Variants in IMMP2L observed in about 807,000 individuals in gnomAD.
IMMP2L encodes the protein mitochondrial inner membrane protease subunit 2.
A neutral mutation model predicts 19.3 loss-of-function variants in IMMP2L; 18 were observed. The observed-to-expected ratio is 0.93, with a 90% confidence interval of 0.64 to 1.38. The LOEUF is 1.38. Among genes scored for constraint, IMMP2L ranks in the 40% most tolerant of loss-of-function variants. The probability of loss-of-function intolerance (pLI) is 0.00; values close to 1 mark genes in which losing one functional copy is unlikely to be tolerated. For synonymous variants in IMMP2L, 76 were observed against 73.0 expected (o/e 1.04, Z -0.21); for missense variants, 233 against 218.2 (o/e 1.07, Z -0.43).
At chr7:110,778,988 G>C (rs1042139674) in intron 5 of IMMP2L, among the ~76,000 whole-genome samples, 36 of 151,966 alleles carry the variant, frequency 2.4e-4, no homozygotes, top group Non-Finnish European at 1.5e-4. Flanking sequence ...ACCATGTAGA[G>C]TAGTAAAATG....
At chr7:111,119,922 G>A (rs533036278) in intron 3 of IMMP2L, among the ~76,000 whole-genome samples, 41 of 152,238 alleles carry the variant, frequency 2.7e-4, no homozygotes, top group African/African-American at 9.4e-4. Flanking sequence ...TTATATGAAA[G>A]TCTTGTATGA....
intron 3 of IMMP2L, among the ~76,000 whole-genome samples, chr7:111,452,232 A>T (rs1259225355): frequency 6.6e-6 from 1 of 152,200 alleles, no homozygotes. Context: ...TAGTAAAGCA[A>T]TTTATGATAC....
intron 3 of IMMP2L, among the ~76,000 whole-genome samples, chr7:111,066,796 A>G (rs764221039): frequency 9.2e-5 from 14 of 152,208 alleles, no homozygotes; most frequent in South Asian, 2.1e-4. Context: ...GAGTCTACCA[A>G]TATGAATTAC....
chr7:111,121,526 T>C (rs1260014362), intron 3 of IMMP2L, among the ~76,000 whole-genome samples: 1 of 152,066 alleles, frequency 6.6e-6, no homozygotes, highest in Non-Finnish European at 1.5e-5. Context: ...AAAACCACAA[T>C]GAGATACCAT....
intron 3 of IMMP2L, among the ~76,000 whole-genome samples, chr7:111,137,174 TGTG>T (rs1169948679): frequency 6.6e-6 from 1 of 152,264 alleles, no homozygotes; most frequent in Non-Finnish European, 1.5e-5. Flanking sequence ...TTGGTGGAAA[TGTG>T]GTAAATTTCC....
intron 5 of IMMP2L, among the ~76,000 whole-genome samples, chr7:110,775,505 A>T (rs1041352221): frequency 2.0e-5 from 3 of 152,050 alleles, no homozygotes; most frequent in African/African-American, 7.2e-5. Flanking sequence ...CCATGACTAG[A>T]GAGCAGCCCA....
intron 1 of IMMP2L, among the ~76,000 whole-genome samples, chr7:111,558,822 C>A (rs531833977): frequency 6.6e-6 from 1 of 152,244 alleles, no homozygotes; most frequent in East Asian, 1.9e-4. Flanking sequence ...AATCTAAATG[C>A]TATTTATTCC....
chr7:110,671,769 G>T (rs1791937887), intron 5 of IMMP2L, among the ~76,000 whole-genome samples: 1 of 152,102 alleles, frequency 6.6e-6, no homozygotes, highest in Non-Finnish European at 1.5e-5. Context: ...GGAAAGGCTT[G>T]CAAGGACAAG....
intron 5 of IMMP2L, among the ~76,000 whole-genome samples, chr7:110,685,984 G>T (rs1003642382): frequency 6.6e-6 from 1 of 152,052 alleles, no homozygotes; most frequent in East Asian, 1.9e-4. Context: ...GCAGTTAAAA[G>T]GTCCATTGGA....
At chr7:111,420,723 C>T (rs1378359835) in intron 3 of IMMP2L, among the ~76,000 whole-genome samples, 2 of 151,564 alleles carry the variant, frequency 1.3e-5, no homozygotes, top group East Asian at 3.9e-4. Flanking sequence ...ACATCCCTGC[C>T]AATAACATGA....
At chr7:111,273,377 C>G (rs898247019) in intron 3 of IMMP2L, among the ~76,000 whole-genome samples, 3 of 152,032 alleles carry the variant, frequency 2.0e-5, no homozygotes, top group African/African-American at 4.8e-5. Flanking sequence ...ACGAGAAAGA[C>G]AGGGATCAGA....
intron 4 of IMMP2L, among the ~76,000 whole-genome samples, chr7:110,897,642 T>G (rs879382025): frequency 2.6e-4 from 40 of 152,304 alleles, no homozygotes; most frequent in Non-Finnish European, 5.3e-4. Context: ...AATAATGTTT[T>G]TCATAACACT....
In IMMP2L at chr7:111,416,821, T is replaced by C. The variant is rs1397071583; in HGVS notation, c.239+70417A>G. Among the ~76,000 whole-genome samples the C allele has an allele frequency of 3.3e-5, 5 of 151,686 alleles. No individual in the cohort carries two copies. In the South Asian group the frequency reaches 6.2e-4, roughly 19 times the overall value. ...TATGTAGTATAAAATTAGACCACAA[T>C]TGAGAGTTTAATCCCTAAACAACAT... On this transcript the variant is annotated intron_variant, in intron 3 of 5. Coordinates refer to ENST00000405709, the MANE Select transcript of IMMP2L (RefSeq NM_032549.4).
intron 3 of IMMP2L, among the ~76,000 whole-genome samples, chr7:111,137,035 C>T (rs1429256514): frequency 6.6e-6 from 1 of 152,080 alleles, no homozygotes; most frequent in Admixed American, 6.5e-5. Flanking sequence ...CATAACAGCA[C>T]AGAATTAAGA....
chr7:111,141,764 C>T (rs1366518653), intron 3 of IMMP2L, among the ~76,000 whole-genome samples: 1 of 152,134 alleles, frequency 6.6e-6, no homozygotes, highest in Admixed American at 6.6e-5. Context: ...AATGGTCTCA[C>T]TATGTAGTCC....
At chr7:111,514,908 C>G (rs745340253) in intron 2 of IMMP2L, among the ~76,000 whole-genome samples, 2 of 152,006 alleles carry the variant, frequency 1.3e-5, no homozygotes, top group Non-Finnish European at 2.9e-5. Flanking sequence ...AACAATGTAT[C>G]AAAGCACAAG....
intron 5 of IMMP2L, among the ~76,000 whole-genome samples, chr7:110,809,266 C>G (rs575589849): frequency 1.3e-5 from 2 of 151,952 alleles, no homozygotes; most frequent in East Asian, 3.9e-4. Context: ...GATATTAATA[C>G]TAAAAACAAA....
intron 2 of IMMP2L, among the ~76,000 whole-genome samples, chr7:111,506,580 TAGAGAC>T (rs1410511240): frequency 1.3e-5 from 2 of 152,038 alleles, no homozygotes; most frequent in African/African-American, 4.8e-5. Flanking sequence ...GTATTTTTAG[TAGAGAC>T]AGGTTTTACC....
chr7:110,995,043 C>T (rs1367086216), intron 3 of IMMP2L, among the ~76,000 whole-genome samples: 1 of 152,078 alleles, frequency 6.6e-6, no homozygotes, highest in Non-Finnish European at 1.5e-5. Flanking sequence ...CTGCAATCTC[C>T]ATTTCTGTTA....
Sources: gnomAD v4.1 joint callset for allele counts (sites outside exome capture counted in the v4.1 genomes callset) on GRCh38, gnomAD v4.1.1 for gene constraint, MANE v1.5 for transcripts, NCBI Gene and HGNC (gene_info 2026-07-23, HGNC 2026-07-21) for gene names.